The following NRDE2 variants were observed in gnomAD, a reference collection of about 807,000 sequenced individuals.
NRDE2 encodes the protein nuclear exosome regulator NRDE2.
In NRDE2, 76 loss-of-function variants were observed where a neutral mutation model predicts 124.2. That is an observed-to-expected ratio of 0.61 (90% CI 0.51 to 0.74). The LOEUF is 0.74. Ranked by LOEUF, NRDE2 falls within the 30% of genes least tolerant of loss-of-function variation. The probability of loss-of-function intolerance (pLI) is 0.00; values close to 1 mark genes in which losing one functional copy is unlikely to be tolerated. For missense variants in NRDE2, 1,314 were observed against 1,417.3 expected (o/e 0.93, Z 1.17); for synonymous variants, 489 against 528.1 (o/e 0.93, Z 1.01).
At position 90,268,203 on chromosome 14, in the gene NRDE2, T is replaced by TTA. The variant is rs967279059; in HGVS notation, c.*10132_*10133insTA. 19 of 1,543,328 alleles carry TTA rather than the reference T, an allele frequency of 1.2e-5. No individual in the cohort carries two copies. In the African/African-American group the frequency reaches 2.5e-4, roughly 20 times the overall value. On this transcript the variant is annotated 3_prime_UTR_variant, in exon 14 of 14. Coordinates refer to ENST00000354366, the MANE Select transcript of NRDE2 (RefSeq NM_017970.4). Reference sequence around the variant, plus strand: ...GCACTTAAGGTGTCTTTTTTTTTTTTATCTTTTTCATCCAAAATAGGTAAA... The same window carrying TTA: ...GCACTTAAGGTGTCTTTTTTTTTTTTTAATCTTTTTCATCCAAAATAGGTAAA...
chr14:90,313,187 C>T (rs1229286224), intron 3 of NRDE2, among the ~76,000 whole-genome samples: 2 of 141,344 alleles, frequency 1.4e-5, no homozygotes, highest in Admixed American at 7.6e-5. Flanking sequence ...AGTGCAGTGG[C>T]GCCATCTCCG....
rs1335903165 is a variant in NRDE2, at chr14:90,306,452, AC to A, written c.558-2071del. 2.0e-5 allele frequency among the ~76,000 whole-genome samples: 3 copies of A among 152,292 alleles called. No individual in the cohort carries two copies. The East Asian group carries it at 5.8e-4, about 29-fold the overall frequency. ...CCCAATTCTTTCAGACTATCTCATGACAGTCTCTTGCCATTCCATTTATGAG... is the reference window on the plus strand; with the variant it reads ...CCCAATTCTTTCAGACTATCTCATGAAGTCTCTTGCCATTCCATTTATGAG... On this transcript the variant is annotated intron_variant, in intron 4 of 13. Transcript: ENST00000354366.
chr14:90,315,692 A>G (rs970784239), intron 3 of NRDE2, among the ~76,000 whole-genome samples: 1 of 152,130 alleles, frequency 6.6e-6, no homozygotes, highest in African/African-American at 2.4e-5. Flanking sequence ...ACAGTGGCTC[A>G]TGCCTGTAAT....
chr14:90,286,640 G>T, intron 11 of NRDE2, 148 bp from the exon 12 acceptor site: 1 of 973,884 alleles, frequency 1.0e-6, no homozygotes, highest in Non-Finnish European at 1.5e-6. Context: ...AGAGCGCTGT[G>T]TATGGGGCTT....
chr14:90,295,358 T>A (rs1364758809), intron 8 of NRDE2, among the ~76,000 whole-genome samples: 1 of 152,220 alleles, frequency 6.6e-6, no homozygotes, highest in Non-Finnish European at 1.5e-5. Context: ...TATATTAGCA[T>A]AATGTATATA....
intron 12 of NRDE2, among the ~76,000 whole-genome samples, chr14:90,283,713 G>T (rs2896129): frequency 0.2 from 28,853 of 142,268 alleles, 2,919 homozygotes; most frequent in South Asian, 0.24. Context: ...CAGGTTTTTT[G>T]TTTTTTTTTT....
In NRDE2 at chr14:90,275,028, AAG is replaced by A. The variant is rs2139658107; in HGVS notation, c.*3306_*3307del. ...GGCACTTTGAAAGTACGTGCCACCC[AAG>A]AGTGTCAGTGCTGTCACACTCCTGC... On this transcript the variant is annotated 3_prime_UTR_variant, in exon 14 of 14. Coordinates refer to ENST00000354366, the MANE Select transcript of NRDE2 (RefSeq NM_017970.4). 1 of 152,314 alleles carries A rather than the reference AAG, an allele frequency of 6.6e-6. No homozygotes were observed. Among genetic ancestry groups the A allele is most frequent in the Admixed American group, 6.5e-5 (1 of 15,288 alleles). The allele number at this position is 152,314 out of a possible 1,614,324, so 9.4% of individuals were successfully genotyped here. A position where few individuals can be genotyped will look rare whatever the true frequency, so the allele number is the denominator to read the frequency against.
At chr14:90,278,531 C>A (rs2139662318) in intron 13 of NRDE2, 70 bp from the exon 14 acceptor site, 2 of 1,593,924 alleles carry the variant, frequency 1.3e-6, no homozygotes, top group Non-Finnish European at 1.7e-6. Flanking sequence ...GCTCAGGAAG[C>A]AAGGGCCAGG....
At chr14:90,324,399 G>C (rs1885345066) in intron 1 of NRDE2, among the ~76,000 whole-genome samples, 1 of 152,142 alleles carries the variant, frequency 6.6e-6, no homozygotes, top group African/African-American at 2.4e-5. Context: ...TTTTAGGCCG[G>C]GCGGGGTGGC....
Position 90,303,002 on chromosome 14 carries a change from T to C in NRDE2, c.1129A>G (p.Asn377Asp), listed in dbSNP as rs1425239853. The C allele has an allele frequency of 6.2e-7, 1 of 1,614,064 alleles. No individual in the cohort carries two copies. Among genetic ancestry groups the C allele is most frequent in the South Asian group, 1.1e-5 (1 of 91,088 alleles). Residue 377 changes from asparagine to aspartate, a missense_variant, in exon 6 of 14, where the codon AAC becomes GAC. Coordinates refer to ENST00000354366, the MANE Select transcript of NRDE2 (RefSeq NM_017970.4). ...AGTTTCAGATCCACACTGCTCTGGTTGCTCTCAATGGCCCGCTCCAGAATG... is the reference window on the plus strand; with the variant it reads ...AGTTTCAGATCCACACTGCTCTGGTCGCTCTCAATGGCCCGCTCCAGAATG... ...LAILERAIES[N>D]QSSVDLKLAK...
In NRDE2 at chr14:90,306,581, C is replaced by A. The variant is rs142868001; in HGVS notation, c.558-2199G>T. On this transcript the variant is annotated intron_variant, in intron 4 of 13. Coordinates refer to ENST00000354366, the MANE Select transcript of NRDE2 (RefSeq NM_017970.4). ...ATCCCAGCACTTTGGGAGGCTGAGG[C>A]GGGTGGATCACCAGAGGTCGGGAGT... Among the ~76,000 whole-genome samples the A allele has an allele frequency of 8.1e-3, 1,239 of 152,126 alleles. 23 individuals carry two copies. The highest frequency in any genetic ancestry group is 0.028 in the African/African-American group (1,164 of 41,522).
intron 4 of NRDE2, 77 bp from the exon 5 acceptor site, chr14:90,304,459 T>C: frequency 9.3e-7 from 1 of 1,080,676 alleles, no homozygotes; most frequent in Admixed American, 2.6e-5. Flanking sequence ...GCATTAGACC[T>C]AAACTCTCGT....
Position 90,268,109 on chromosome 14 carries a change from A to G in NRDE2, c.*10227T>C. On this transcript the variant is annotated 3_prime_UTR_variant, in exon 14 of 14. Coordinates refer to ENST00000354366, the MANE Select transcript of NRDE2 (RefSeq NM_017970.4). ...GACACTTGAATTGGTGCCATGCCTT[A>G]GCATGAGGGCCCGCCTGTTTTTGGT... 1.3e-6 allele frequency: 1 copy of G among 777,862 alleles called. No individual in the cohort carries two copies. Among genetic ancestry groups the G allele is most frequent in the East Asian group, 2.7e-5 (1 of 36,932 alleles). 48.2% of individuals were successfully genotyped at this position (777,862 alleles called of 1,614,324 possible). A position where few individuals can be genotyped will look rare whatever the true frequency, so the allele number is the denominator to read the frequency against.
In NRDE2 at chr14:90,274,786, C is replaced by CCACACACACACACA. The variant is rs1566677946; in HGVS notation, c.*3549_*3550insTGTGTGTGTGTGTG. 2 of 81,562 alleles carry CCACACACACACACA rather than the reference C, an allele frequency of 2.5e-5. No homozygotes were observed. Among genetic ancestry groups the CCACACACACACACA allele is most frequent in the African/African-American group, 4.9e-5 (1 of 20,208 alleles). The allele number at this position is 81,562 out of a possible 1,614,324, so 5.1% of individuals were successfully genotyped here. On this transcript the variant is annotated 3_prime_UTR_variant, in exon 14 of 14. Transcript: ENST00000354366. Reference sequence around the variant, plus strand: ...ACAGTATAGCCCTTTAAATAGGGAACTACACACACACACACACACACACAC... The same window carrying CCACACACACACACA: ...ACAGTATAGCCCTTTAAATAGGGAACCACACACACACACATACACACACACACACACACACACAC...
At chr14:90,292,110 C>CACT (rs1566687257) in intron 9 of NRDE2, among the ~76,000 whole-genome samples, 23 of 152,198 alleles carry the variant, frequency 1.5e-4, no homozygotes, top group African/African-American at 5.3e-4. Flanking sequence ...ACAAGTCACA[C>CACT]GGTAACAGTA....
At position 90,271,613 on chromosome 14, in the gene NRDE2, C is replaced by T. The variant is rs975449966; in HGVS notation, c.*6723G>A. On this transcript the variant is annotated 3_prime_UTR_variant, in exon 14 of 14. Coordinates refer to ENST00000354366, the MANE Select transcript of NRDE2 (RefSeq NM_017970.4). ...AATAGACATATACTGTCAATTGCCT[C>T]TAAGTTTCAGGGCATAATTTTGTTT... is the stretch of plus-strand genomic sequence containing the variant. 2 of 152,130 alleles carry T rather than the reference C, an allele frequency of 1.3e-5. No individual in the cohort carries two copies. The highest frequency in any genetic ancestry group is 4.8e-5 in the African/African-American group (2 of 41,426). The allele number at this position is 152,130 out of a possible 1,614,324, so 9.4% of individuals were successfully genotyped here.
intron 13 of NRDE2, 190 bp from the exon 14 acceptor site, chr14:90,278,651 C>A: frequency 1.6e-6 from 1 of 626,496 alleles, no homozygotes; most frequent in Non-Finnish European, 2.7e-6. Context: ...ACTGAACTCG[C>A]AAAAGTGAGC....
intron 4 of NRDE2, among the ~76,000 whole-genome samples, chr14:90,306,296 G>A (rs562474470): frequency 7.6e-4 from 116 of 152,282 alleles, no homozygotes; most frequent in Admixed American, 1.8e-3. Context: ...TGGCTTCTCT[G>A]CGGTCAACAG....
chr14:90,328,822 T>G (rs1255626516), intron 1 of NRDE2, among the ~76,000 whole-genome samples: 1 of 152,200 alleles, frequency 6.6e-6, no homozygotes, highest in Non-Finnish European at 1.5e-5. Flanking sequence ...CCTCAACAGA[T>G]CGATCACATG....
Sources: allele counts gnomAD v4.1 joint callset (sites outside exome capture counted in the v4.1 genomes callset), GRCh38; gene constraint gnomAD v4.1.1; transcripts MANE v1.5; gene names NCBI Gene and HGNC (gene_info 2026-07-23, HGNC 2026-07-21).